BICD1: variants seen among roughly 807,000 people sequenced by gnomAD.
BICD1 encodes BICD cargo adaptor 1.
Under a neutral mutation model 92.5 loss-of-function variants are expected in BICD1, and 35 were observed. That is an observed-to-expected ratio of 0.38 (90% CI 0.29 to 0.50). BICD1 has a LOEUF of 0.50. Among genes scored for constraint, BICD1 ranks in the 20% least tolerant of loss-of-function variants. BICD1 has a pLI of 0.93. For synonymous variants in BICD1, 429 were observed against 465.1 expected (o/e 0.92, Z 1.00); for missense variants, 950 against 1,189.8 (o/e 0.80, Z 2.97).
intron 4 of BICD1, among the ~76,000 whole-genome samples, chr12:32,326,688 C>T (rs181784399): frequency 1.3e-5 from 2 of 152,298 alleles, no homozygotes; most frequent in African/African-American, 4.8e-5. Flanking sequence ...CATTCAACAC[C>T]AGCCTGGACA....
At chr12:32,362,993 G>A (rs1939391485) in intron 8 of BICD1, among the ~76,000 whole-genome samples, 1 of 152,172 alleles carries the variant, frequency 6.6e-6, no homozygotes, top group Non-Finnish European at 1.5e-5. Flanking sequence ...AGCATCACAT[G>A]AGCCCAGGAG....
At chr12:32,152,244 A>T (rs1339569721) in intron 1 of BICD1, among the ~76,000 whole-genome samples, 3 of 134,466 alleles carry the variant, frequency 2.2e-5, no homozygotes, top group Non-Finnish European at 3.2e-5. Flanking sequence ...GGCAGAGACT[A>T]GTTTTTTTTA....
chr12:32,367,419 C>T (rs534334854), intron 8 of BICD1: 84 of 376,544 alleles, frequency 2.2e-4, no homozygotes, highest in Non-Finnish European at 3.6e-4. Flanking sequence ...CACATATATC[C>T]TAATGTACTT....
intron 8 of BICD1, among the ~76,000 whole-genome samples, chr12:32,346,616 G>GTATATATA (rs1260180834): frequency 1.4e-3 from 4 of 2,876 alleles, no homozygotes; most frequent in African/African-American, 1.4e-3. Context: ...ATATATACGT[G>GTATATATA]TATATATATA....
At chr12:32,267,994 GGT>G in intron 2 of BICD1, among the ~76,000 whole-genome samples, 1 of 152,116 alleles carries the variant, frequency 6.6e-6, no homozygotes, top group Non-Finnish European at 1.5e-5. Flanking sequence ...TTGAAGAAAT[GGT>G]GTCTTACTGT....
rs1332535452 is a variant in BICD1, at chr12:32,282,199, CTTCTTTTT to C, written c.427-11792_427-11785del. Among the ~76,000 whole-genome samples the C allele has an allele frequency of 3.0e-3, 204 of 69,004 alleles. 6 individuals carry two copies. Among genetic ancestry groups the C allele is most frequent in the African/African-American group, 0.011 (195 of 18,314 alleles). 45.3% of individuals were successfully genotyped at this position (69,004 alleles called of 152,430 possible). ...AAAGCAAGACCCAGCTTCAGGTCTT[CTTCTTTTT>C]TTTTTTTTTTTTTTTTTTTTTTTTT... On this transcript the variant is annotated intron_variant, in intron 2 of 9. Transcript: ENST00000652176.
chr12:32,295,804 C>A (rs1184182473), intron 3 of BICD1, among the ~76,000 whole-genome samples: 2 of 152,010 alleles, frequency 1.3e-5, no homozygotes, highest in African/African-American at 4.8e-5. Context: ...AGGCATGAGC[C>A]ACCACACCCA....
intron 1 of BICD1, among the ~76,000 whole-genome samples, chr12:32,203,640 C>T (rs1236618117): frequency 6.6e-6 from 1 of 152,116 alleles, no homozygotes; most frequent in African/African-American, 2.4e-5. Context: ...AGGAGGGGAG[C>T]TAAGTAAAAA....
intron 4 of BICD1, among the ~76,000 whole-genome samples, chr12:32,318,050 T>C (rs550517704): frequency 0.01 from 1,547 of 152,082 alleles, 24 homozygotes; most frequent in African/African-American, 0.036. Flanking sequence ...CTGAGGGCTC[T>C]GTTCTGTTCC....
chr12:32,241,746 T>C (rs1946240719), intron 2 of BICD1, among the ~76,000 whole-genome samples: 1 of 152,166 alleles, frequency 6.6e-6, no homozygotes, highest in Non-Finnish European at 1.5e-5. Context: ...GGAGACAGAC[T>C]TTCCCCAGTG....
At chr12:32,247,236 CAAA>C (rs200029154) in intron 2 of BICD1, among the ~76,000 whole-genome samples, 301 of 135,126 alleles carry the variant, frequency 2.2e-3, no homozygotes, top group African/African-American at 7.6e-3. Context: ...GACCCTGTAT[CAAA>C]AAAAAAAAAA....
rs540197600 is a variant in BICD1, at chr12:32,151,070, G to A, written c.213+43526G>A. On this transcript the variant is annotated intron_variant, in intron 1 of 9. Transcript: ENST00000652176. ...GTAGGCATCAAAACAGATGGTGGTG[G>A]GGTTGTTGGGAAGATGGTAGCAGAC... Among the ~76,000 whole-genome samples the A allele has an allele frequency of 3.9e-5, 6 of 152,274 alleles. No homozygotes were observed. In the South Asian group the frequency reaches 1.0e-3, roughly 26 times the overall value.
intron 1 of BICD1, among the ~76,000 whole-genome samples, chr12:32,148,041 C>A (rs1242809692): frequency 6.8e-6 from 1 of 147,536 alleles, no homozygotes; most frequent in Non-Finnish European, 1.5e-5. Context: ...GCTTGGGAGG[C>A]TGAGGTGGGA....
At chr12:32,118,399 T>A (rs550465548) in intron 1 of BICD1, among the ~76,000 whole-genome samples, 7 of 152,100 alleles carry the variant, frequency 4.6e-5, no homozygotes, top group South Asian at 2.1e-4. Flanking sequence ...TATTTTATAA[T>A]CTGCATCGTC....
intron 1 of BICD1, among the ~76,000 whole-genome samples, chr12:32,211,159 T>C (rs1945201744): frequency 6.6e-6 from 1 of 152,230 alleles, no homozygotes; most frequent in Non-Finnish European, 1.5e-5. Context: ...CAAATGCAGA[T>C]CATGAGGCAC....
intron 1 of BICD1, among the ~76,000 whole-genome samples, chr12:32,119,432 G>T (rs1334359884): frequency 6.6e-6 from 1 of 152,136 alleles, no homozygotes. Context: ...CCCCACTCCG[G>T]GAGAGTTAAA....
intron 4 of BICD1, among the ~76,000 whole-genome samples, chr12:32,318,162 T>A (rs1411759882): frequency 2.6e-5 from 4 of 152,136 alleles, no homozygotes; most frequent in African/African-American, 9.7e-5. Flanking sequence ...TCCAGCTTTG[T>A]TCTTTTGGCT....
At chr12:32,233,410 T>G (rs1222665619) in intron 2 of BICD1, among the ~76,000 whole-genome samples, 2 of 152,092 alleles carry the variant, frequency 1.3e-5, no homozygotes, top group African/African-American at 4.8e-5. Context: ...TGTTCACCAT[T>G]TAAAAATAAG....
At chr12:32,307,623 T>G (rs925183657) in intron 4 of BICD1, among the ~76,000 whole-genome samples, 3 of 152,198 alleles carry the variant, frequency 2.0e-5, no homozygotes, top group Non-Finnish European at 4.4e-5. Flanking sequence ...CTGTTAAGCC[T>G]CTGGCAGTCA....
Sources: gnomAD v4.1 joint callset for allele counts (sites outside exome capture counted in the v4.1 genomes callset) on GRCh38, gnomAD v4.1.1 for gene constraint, MANE v1.5 for transcripts, NCBI Gene and HGNC (gene_info 2026-07-23, HGNC 2026-07-21) for gene names.